The following TNNC1 variants were observed in gnomAD, a reference collection of about 807,000 sequenced individuals.
TNNC1 encodes the protein troponin C1, slow skeletal and cardiac type.
Under a neutral mutation model 19.6 loss-of-function variants are expected in TNNC1, and 10 were observed. The ratio of observed to expected loss-of-function variants is 0.51; its 90% CI spans 0.31 to 0.87. TNNC1 has a LOEUF of 0.87. TNNC1 is among the 40% of genes least tolerant of loss of function. The pLI is 0.04. For synonymous variants in TNNC1, 85 were observed against 80.1 expected, an observed-to-expected ratio of 1.06 and a Z score of -0.33; for missense variants, 115 against 219.8, an observed-to-expected ratio of 0.52 and a Z score of 3.02.
chr3:52,451,376 C>T lies in TNNC1; in HGVS notation c.454+15G>A. ...AGGGCATGGAGGCAGGAGATCAGCC[C>T]ACCCACCCGCTTACCATCATAGTCG... is the stretch of plus-strand genomic sequence containing the variant. On this transcript the variant is annotated intron_variant, in intron 5 of 5. Coordinates refer to ENST00000232975, the MANE Select transcript of TNNC1 (RefSeq NM_003280.3). This position sits in a 1 kb window ranked among gnomAD's most constrained non-coding sequence, Gnocchi z 4.8. 2.5e-6 allele frequency: 4 copies of T among 1,614,082 alleles called. No individual in the cohort carries two copies. The highest frequency in any genetic ancestry group is 3.4e-6 in the Non-Finnish European group (4 of 1,179,988).
At position 52,452,373 on chromosome 3, in the gene TNNC1, A is replaced by C. The variant is rs1706342418; in HGVS notation, c.55+110T>G. 2 of 1,587,208 alleles carry C rather than the reference A, an allele frequency of 1.3e-6. No individual in the cohort carries two copies. Among genetic ancestry groups the C allele is most frequent in the Admixed American group, 3.5e-5 (2 of 56,994 alleles). On this transcript the variant is annotated intron_variant, in intron 2 of 5. Transcript: ENST00000232975. The surrounding 1 kb of genome is among the most constrained non-coding windows in gnomAD (Gnocchi z 5.2). ...CCCTCGGAGACCTCTCTGAGGGCAG[A>C]GCAAGAGGGACCAAGCCTCTGGTCT...
Position 52,454,030 on chromosome 3 carries a change from G to C in TNNC1, c.-15C>G, listed in dbSNP as rs774355933. The C allele has an allele frequency of 3.8e-6, 6 of 1,572,392 alleles. No homozygotes were observed. Among genetic ancestry groups the C allele is most frequent in the Middle Eastern group, 1.7e-4 (1 of 5,996 alleles). On this transcript the variant is annotated 5_prime_UTR_variant, in exon 1 of 6. Coordinates refer to ENST00000232975, the MANE Select transcript of TNNC1 (RefSeq NM_003280.3). ...ATGTCATCCATGCTGGCGGCTCACAGGACAGCTTGCTGGGGTTGCCAGCCG... is the reference window on the plus strand; with the variant it reads ...ATGTCATCCATGCTGGCGGCTCACACGACAGCTTGCTGGGGTTGCCAGCCG...
Position 52,451,483 on chromosome 3 carries a change from A to AAG in TNNC1, c.361_362insCT (p.Leu121ProfsTer18). ...CGTGATGGTCTCGCCTGTAGCCTGCAGCATTATCTTCAGCTCATCCAGGTC... is the reference window on the plus strand; with the variant it reads ...CGTGATGGTCTCGCCTGTAGCCTGCAAGGCATTATCTTCAGCTCATCCAGGTC... On this transcript the variant is annotated frameshift_variant, in exon 5 of 6. Coordinates refer to ENST00000232975, the MANE Select transcript of TNNC1 (RefSeq NM_003280.3). LOFTEE classifies it high-confidence loss of function. The surrounding 1 kb of genome is among the most constrained non-coding windows in gnomAD (Gnocchi z 4.8). The AAG allele has an allele frequency of 6.2e-7, 1 of 1,614,086 alleles. No individual in the cohort carries two copies. Among genetic ancestry groups the AAG allele is most frequent in the Non-Finnish European group, 8.5e-7 (1 of 1,180,010 alleles).
chr3:52,453,072 G>T (rs1706353388), intron 1 of TNNC1, among the ~76,000 whole-genome samples: 1 of 152,244 alleles, frequency 6.6e-6, no homozygotes, highest in African/African-American at 2.4e-5. Context: ...GCACTGGGTG[G>T]AGGGCTGTCC....
rs1156751249 is a variant in TNNC1, at chr3:52,452,084, G to A, written c.202+22C>T. 1.2e-6 allele frequency: 2 copies of A among 1,613,656 alleles called. No homozygotes were observed. Among genetic ancestry groups the A allele is most frequent in the East Asian group, 2.2e-5 (1 of 44,860 alleles). ...CCCAGCCAGCTGGGGTTCTTCTGGA[G>A]CCTGGGGAGGAGGGGGCTCACCGTC... is the stretch of plus-strand genomic sequence containing the variant. On this transcript the variant is annotated intron_variant, in intron 3 of 5. Transcript: ENST00000232975. The surrounding 1 kb of genome is among the most constrained non-coding windows in gnomAD (Gnocchi z 5.2).
Position 52,452,577 on chromosome 3 carries a change from C to T in TNNC1, c.25-64G>A, listed in dbSNP as rs944308619. 1.3e-6 allele frequency: 2 copies of T among 1,561,042 alleles called. No homozygotes were observed. Among genetic ancestry groups the T allele is most frequent in the Non-Finnish European group, 1.8e-6 (2 of 1,139,146 alleles). The stretch of plus-strand genomic sequence containing the variant: ...ATAGCTGCTGCTGAGGAAACCAACC[C>T]ATTCCACAGGTGAGAAGGCTGGAGC... On this transcript the variant is annotated intron_variant, in intron 1 of 5. Coordinates refer to ENST00000232975, the MANE Select transcript of TNNC1 (RefSeq NM_003280.3). The surrounding 1 kb of genome is among the most constrained non-coding windows in gnomAD (Gnocchi z 5.2).
rs1275497776 is a variant in TNNC1, at chr3:52,451,655, G to A, written c.317+89C>T. 6.4e-6 allele frequency: 10 copies of A among 1,573,508 alleles called. No individual in the cohort carries two copies. Among genetic ancestry groups the A allele is most frequent in the African/African-American group, 1.4e-5 (1 of 73,998 alleles). The stretch of plus-strand genomic sequence containing the variant: ...CTCCCCTATCAGGCAGAGGCCACAG[G>A]GTCCCTAGGCCTGGAATCTGAGACT... On this transcript the variant is annotated intron_variant, in intron 4 of 5. Coordinates refer to ENST00000232975, the MANE Select transcript of TNNC1 (RefSeq NM_003280.3). The surrounding 1 kb of genome is among the most constrained non-coding windows in gnomAD (Gnocchi z 4.8).
chr3:52,451,863 G>A lies in TNNC1; in HGVS notation c.203-5C>T, dbSNP rs142519988. On this transcript the variant is annotated splice_region_variant and splice_polypyrimidine_tract_variant and intron_variant, in intron 3 of 5. Transcript: ENST00000232975. The surrounding 1 kb of genome is among the most constrained non-coding windows in gnomAD (Gnocchi z 4.8). ...CAAAGTCCACCGTGCCGCTGCCTGG[G>A]GGTGGGCAGCATGGCCGTTACAGAG... 433 of 1,612,976 alleles carry A rather than the reference G, an allele frequency of 2.7e-4. No homozygotes were observed. The African/African-American group carries it at 4.7e-3, about 18-fold the overall frequency.
At chr3:52,453,763 C>T (rs560909277) in intron 1 of TNNC1, among the ~76,000 whole-genome samples, 1 of 152,326 alleles carries the variant, frequency 6.6e-6, no homozygotes, top group African/African-American at 2.4e-5. Context: ...GAGTGAGACA[C>T]GATGCTGAAA....
At position 52,451,187 on chromosome 3, in the gene TNNC1, G is replaced by A. The variant is rs1299102100; in HGVS notation, c.*88C>T. 4 of 1,511,798 alleles carry A rather than the reference G, an allele frequency of 2.6e-6. No homozygotes were observed. The highest frequency in any genetic ancestry group is 4.5e-5 in the East Asian group (2 of 44,050). The allele number at this position is 1,511,798 out of a possible 1,614,324, so 93.6% of individuals were successfully genotyped here. A position where few individuals can be genotyped will look rare whatever the true frequency, so the allele number is the denominator to read the frequency against. On this transcript the variant is annotated 3_prime_UTR_variant, in exon 6 of 6. Coordinates refer to ENST00000232975, the MANE Select transcript of TNNC1 (RefSeq NM_003280.3). This position sits in a 1 kb window ranked among gnomAD's most constrained non-coding sequence, Gnocchi z 4.8. ...GGGGTTGAGGACATGGCCAGGCTCAGGTCCTGGGACCCCGACCCCCTCCCC... is the reference window on the plus strand; with the variant it reads ...GGGGTTGAGGACATGGCCAGGCTCAAGTCCTGGGACCCCGACCCCCTCCCC...
chr3:52,452,709 G>A lies in TNNC1; in HGVS notation c.25-196C>T. The A allele has an allele frequency of 1.5e-6, 1 of 655,168 alleles. No homozygotes were observed. The highest frequency in any genetic ancestry group is 2.7e-6 in the Non-Finnish European group (1 of 367,014). The allele number at this position is 655,168 out of a possible 1,614,324, so 40.6% of individuals were successfully genotyped here. A position where few individuals can be genotyped will look rare whatever the true frequency, so the allele number is the denominator to read the frequency against. The stretch of plus-strand genomic sequence containing the variant: ...GCTGGCCTCACTGCGACTGGGCTCA[G>A]GGCCAGGGTGACAGGTGGGCACCCC... On this transcript the variant is annotated intron_variant, in intron 1 of 5. Coordinates refer to ENST00000232975, the MANE Select transcript of TNNC1 (RefSeq NM_003280.3). This position sits in a 1 kb window ranked among gnomAD's most constrained non-coding sequence, Gnocchi z 5.2.
chr3:52,451,643 C>T lies in TNNC1; in HGVS notation c.317+101G>A. The T allele has an allele frequency of 6.4e-7, 1 of 1,565,532 alleles. No homozygotes were observed. Among genetic ancestry groups the T allele is most frequent in the Non-Finnish European group, 8.8e-7 (1 of 1,136,530 alleles). On this transcript the variant is annotated intron_variant, in intron 4 of 5. Transcript: ENST00000232975. This position sits in a 1 kb window ranked among gnomAD's most constrained non-coding sequence, Gnocchi z 4.8. ...TGGGGCATCCCTCTCCCCTATCAGG[C>T]AGAGGCCACAGGGTCCCTAGGCCTG...
rs1402169847 is a variant in TNNC1, at chr3:52,452,006, AAGGCTCGGAT to A, written c.202+90_202+99del. 6.3e-7 allele frequency: 1 copy of A among 1,594,306 alleles called. No homozygotes were observed. Among genetic ancestry groups the A allele is most frequent in the African/African-American group, 1.3e-5 (1 of 74,444 alleles). On this transcript the variant is annotated intron_variant, in intron 3 of 5. Transcript: ENST00000232975. This position sits in a 1 kb window ranked among gnomAD's most constrained non-coding sequence, Gnocchi z 5.2. Reference sequence around the variant, plus strand: ...TGCCCATTTTATAGATGAGGCAACCAAGGCTCGGATAGGCTAAATTGCTCCCAGCTAAACA... The same window carrying A: ...TGCCCATTTTATAGATGAGGCAACCAAGGCTAAATTGCTCCCAGCTAAACA...
chr3:52,453,951 T>A, intron 1 of TNNC1, 41 bp downstream of exon 1: 1 of 1,574,262 alleles, frequency 6.4e-7, no homozygotes, highest in South Asian at 1.2e-5. Flanking sequence ...GAGCCCCCAG[T>A]GGGCCTGCCC....
In TNNC1 at chr3:52,452,415, T is replaced by G; in HGVS notation, c.55+68A>C. On this transcript the variant is annotated intron_variant, in intron 2 of 5. Coordinates refer to ENST00000232975, the MANE Select transcript of TNNC1 (RefSeq NM_003280.3). This position sits in a 1 kb window ranked among gnomAD's most constrained non-coding sequence, Gnocchi z 5.2. The stretch of plus-strand genomic sequence containing the variant: ...CTCTGGTCTCTGGCCTGGGGTCCTC[T>G]TCTGATAAGGGGTCCCCATGCCAGC... 1.3e-6 allele frequency: 2 copies of G among 1,598,566 alleles called. No homozygotes were observed.
At chr3:52,453,113 AAGC>A (rs1215439958) in intron 1 of TNNC1, among the ~76,000 whole-genome samples, 1 of 152,222 alleles carries the variant, frequency 6.6e-6, no homozygotes, top group Non-Finnish European at 1.5e-5. Context: ...CCCACAGGAT[AAGC>A]AGGCGTGCCC....
At position 52,451,398 on chromosome 3, in the gene TNNC1, G is replaced by A; in HGVS notation, c.447C>T (p.Asp149=). Reference sequence around the variant, plus strand: ...GCCCACCCACCCGCTTACCATCATAGTCGATGCGGCCGTCGTTGTTCTTGT... The same window carrying A: ...GCCCACCCACCCGCTTACCATCATAATCGATGCGGCCGTCGTTGTTCTTGT... ...DGDKNNDGRI[D]YDEFLEFMKG... Residue 149 remains aspartate (D), a synonymous_variant, in exon 5 of 6, where the codon GAC becomes GAT. Transcript: ENST00000232975. This position sits in a 1 kb window ranked among gnomAD's most constrained non-coding sequence, Gnocchi z 4.8. The A allele has an allele frequency of 6.2e-7, 1 of 1,614,184 alleles. No homozygotes were observed. The highest frequency in any genetic ancestry group is 1.7e-5 in the Admixed American group (1 of 60,026).
Position 52,451,924 on chromosome 3 carries a change from G to T in TNNC1, c.203-66C>A. 6.5e-7 allele frequency: 1 copy of T among 1,543,112 alleles called. No individual in the cohort carries two copies. Among genetic ancestry groups the T allele is most frequent in the South Asian group, 1.1e-5 (1 of 89,696 alleles). On this transcript the variant is annotated intron_variant, in intron 3 of 5. Coordinates refer to ENST00000232975, the MANE Select transcript of TNNC1 (RefSeq NM_003280.3). This position sits in a 1 kb window ranked among gnomAD's most constrained non-coding sequence, Gnocchi z 4.8. ...GTACTGCAGGCAGCACCTTCGACAC[G>T]AACCCCCATGTTCTCACCGCATCCT...
chr3:52,451,636 T>C lies in TNNC1; in HGVS notation c.317+108A>G, dbSNP rs1706329154. On this transcript the variant is annotated intron_variant, in intron 4 of 5. Coordinates refer to ENST00000232975, the MANE Select transcript of TNNC1 (RefSeq NM_003280.3). This position sits in a 1 kb window ranked among gnomAD's most constrained non-coding sequence, Gnocchi z 4.8. ...TGGGAGATGGGGCATCCCTCTCCCC[T>C]ATCAGGCAGAGGCCACAGGGTCCCT... 1.9e-6 allele frequency: 3 copies of C among 1,566,220 alleles called. No homozygotes were observed. Among genetic ancestry groups the C allele is most frequent in the South Asian group, 1.1e-5 (1 of 90,032 alleles).
Sources: gnomAD v4.1 joint callset for allele counts (sites outside exome capture counted in the v4.1 genomes callset) on GRCh38, gnomAD v4.1.1 for gene constraint, Gnocchi (gnomAD v3.1) non-coding constraint, MANE v1.5 for transcripts, NCBI Gene and HGNC (gene_info 2026-07-23, HGNC 2026-07-21) for gene names.